KCND2: variants seen among roughly 807,000 people sequenced by gnomAD.
The protein encoded by KCND2 is A-type voltage-gated potassium channel KCND2.
KCND2 carries 16 observed loss-of-function variants against 54.4 expected under a neutral mutation model. The ratio of observed to expected loss-of-function variants is 0.29; its 90% confidence interval spans 0.20 to 0.45. KCND2 has a LOEUF of 0.45. KCND2 is among the 20% of genes least tolerant of loss of function. The probability of loss-of-function intolerance (pLI) is 1.00; values close to 1 mark genes in which losing one functional copy is unlikely to be tolerated. For synonymous variants in KCND2, 317 were observed against 310.7 expected, an observed-to-expected ratio of 1.02 and a Z score of -0.21; for missense variants, 486 against 824.2, an observed-to-expected ratio of 0.59 and a Z score of 5.02.
At chr7:120,722,739 A>G (rs1039257146) in intron 1 of KCND2, among the ~76,000 whole-genome samples, 9 of 152,018 alleles carry the variant, frequency 5.9e-5, no homozygotes, top group Middle Eastern at 3.2e-3. Context: ...AGATGGGGGA[A>G]AAAAATTTCA....
At chr7:120,332,555 G>A (rs1053348271) in intron 1 of KCND2, among the ~76,000 whole-genome samples, 1 of 152,040 alleles carries the variant, frequency 6.6e-6, no homozygotes, top group African/African-American at 2.4e-5. Flanking sequence ...TAAATGAATG[G>A]CTATTGAAGC....
At chr7:120,616,184 C>T (rs1412940624) in intron 1 of KCND2, among the ~76,000 whole-genome samples, 1 of 152,126 alleles carries the variant, frequency 6.6e-6, no homozygotes, top group Non-Finnish European at 1.5e-5. Context: ...GTTCTGAAGT[C>T]AAATTACCTG....
chr7:120,497,290 A>T (rs1288529630), intron 1 of KCND2, among the ~76,000 whole-genome samples: 1 of 152,152 alleles, frequency 6.6e-6, no homozygotes, highest in Non-Finnish European at 1.5e-5. Flanking sequence ...TGTACATTTT[A>T]AGTATTTATC....
intron 5 of KCND2, among the ~76,000 whole-genome samples, chr7:120,746,275 T>G (rs1793006019): frequency 6.6e-6 from 1 of 152,186 alleles, no homozygotes; most frequent in African/African-American, 2.4e-5. Flanking sequence ...CACAAATGTG[T>G]TTTTCTCTCT....
At chr7:120,382,179 A>G (rs187459991) in intron 1 of KCND2, among the ~76,000 whole-genome samples, 1 of 151,950 alleles carries the variant, frequency 6.6e-6, no homozygotes, top group African/African-American at 2.4e-5. Context: ...TTTAGAATCT[A>G]TTAGTAAGAG....
chr7:120,656,039 A>G (rs1791799584), intron 1 of KCND2, among the ~76,000 whole-genome samples: 1 of 152,118 alleles, frequency 6.6e-6, no homozygotes, highest in African/African-American at 2.4e-5. Flanking sequence ...ATTTGTTTAA[A>G]ATTATATTTA....
At chr7:120,668,485 T>G (rs1791954138) in intron 1 of KCND2, among the ~76,000 whole-genome samples, 1 of 152,198 alleles carries the variant, frequency 6.6e-6, no homozygotes, top group Middle Eastern at 3.4e-3. Flanking sequence ...AACAAAATTC[T>G]AATACATCCG....
intron 1 of KCND2, among the ~76,000 whole-genome samples, chr7:120,671,808 C>A (rs1455476066): frequency 6.6e-6 from 1 of 152,094 alleles, no homozygotes; most frequent in Admixed American, 6.5e-5. Flanking sequence ...AACCCTCAAA[C>A]CTGCGTCATT....
At chr7:120,458,850 T>C (rs1802239659) in intron 1 of KCND2, among the ~76,000 whole-genome samples, 1 of 150,538 alleles carries the variant, frequency 6.6e-6, no homozygotes, top group Admixed American at 6.6e-5. Flanking sequence ...TAATTATTAT[T>C]ATTATATTAT....
At chr7:120,429,813 T>C (rs1391661865) in intron 1 of KCND2, among the ~76,000 whole-genome samples, 1 of 152,158 alleles carries the variant, frequency 6.6e-6, no homozygotes, top group African/African-American at 2.4e-5. Context: ...ACCATAAGCT[T>C]GACATCTAAT....
chr7:120,629,921 G>C (rs186121737), intron 1 of KCND2, among the ~76,000 whole-genome samples: 13 of 152,260 alleles, frequency 8.5e-5, no homozygotes, highest in Non-Finnish European at 1.9e-4. Flanking sequence ...TGTGGTTTTA[G>C]CATCTAAATG....
chr7:120,738,781 C>T (rs961120937), intron 2 of KCND2, among the ~76,000 whole-genome samples: 2 of 152,008 alleles, frequency 1.3e-5, no homozygotes, highest in African/African-American at 4.8e-5. Context: ...GATTGTCATA[C>T]TGAGTGGCTC....
chr7:120,538,514 G>A (rs185929205), intron 1 of KCND2, among the ~76,000 whole-genome samples: 62 of 152,246 alleles, frequency 4.1e-4, no homozygotes, highest in African/African-American at 1.4e-3. Context: ...GGGCAGGAGG[G>A]CCTGGTCTCT....
intron 1 of KCND2, among the ~76,000 whole-genome samples, chr7:120,695,179 A>G (rs1008708574): frequency 1.3e-5 from 2 of 151,452 alleles, no homozygotes; most frequent in African/African-American, 4.8e-5. Context: ...AGCTCAGTTC[A>G]AACTGTTATA....
intron 1 of KCND2, among the ~76,000 whole-genome samples, chr7:120,451,577 C>CT (rs1175344815): frequency 6.6e-6 from 1 of 152,156 alleles, no homozygotes; most frequent in Non-Finnish European, 1.5e-5. Flanking sequence ...TTGACAAACT[C>CT]TGATTCCTAA....
chr7:120,706,597 A>G (rs1376718947), intron 1 of KCND2, among the ~76,000 whole-genome samples: 1 of 152,182 alleles, frequency 6.6e-6, no homozygotes, highest in Non-Finnish European at 1.5e-5. Context: ...TTTTAATGCT[A>G]TCACATTGGC....
chr7:120,724,971 T>TA (rs897632720), intron 1 of KCND2, among the ~76,000 whole-genome samples: 28 of 152,166 alleles, frequency 1.8e-4, no homozygotes, highest in African/African-American at 6.8e-4. Context: ...TTCATTTAGG[T>TA]AAAAAACACT....
chr7:120,704,180 CTCTA>C (rs947270330), intron 1 of KCND2, among the ~76,000 whole-genome samples: 64 of 152,246 alleles, frequency 4.2e-4, no homozygotes, highest in African/African-American at 1.4e-3. Context: ...CCTTTATAAC[CTCTA>C]TCTGTTTATT....
chr7:120,717,581 A>G (rs1474103676), intron 1 of KCND2, among the ~76,000 whole-genome samples: 1 of 152,162 alleles, frequency 6.6e-6, no homozygotes, highest in East Asian at 1.9e-4. Flanking sequence ...GAATTTATGT[A>G]ATACATGTAG....
Sources: gnomAD v4.1 joint callset for allele counts (sites outside exome capture counted in the v4.1 genomes callset) on GRCh38, gnomAD v4.1.1 for gene constraint, MANE v1.5 for transcripts, NCBI Gene and HGNC (gene_info 2026-07-23, HGNC 2026-07-21) for gene names.